The following BAZ2B variants were observed in gnomAD, a reference collection of about 807,000 sequenced individuals.
BAZ2B encodes bromodomain adjacent to zinc finger domain 2B, also known as bromodomain adjacent to zinc finger domain protein 2B.
Under a neutral mutation model 246.0 loss-of-function variants are expected in BAZ2B, and 91 were observed. The observed-to-expected ratio is 0.37, with a 90% confidence interval of 0.31 to 0.44. The LOEUF (loss-of-function observed/expected upper bound fraction) is 0.44. Among genes scored for constraint, BAZ2B ranks in the 20% least tolerant of loss-of-function variants. The pLI is 1.00. For missense variants in BAZ2B, 2,332 were observed against 2,533.7 expected (o/e 0.92, Z 1.71); for synonymous variants, 855 against 860.0 (o/e 0.99, Z 0.10).
chr2:159,582,444 G>A (rs1357095938), intron 1 of BAZ2B, among the ~76,000 whole-genome samples: 2 of 152,162 alleles, frequency 1.3e-5, no homozygotes, highest in African/African-American at 2.4e-5. Context: ...TGTAGCTCAC[G>A]CTGGAGTGGT....
intron 25 of BAZ2B, among the ~76,000 whole-genome samples, chr2:159,377,812 CAAAA>C (rs35570732): frequency 5.3e-5 from 5 of 94,198 alleles, no homozygotes; most frequent in Non-Finnish European, 6.5e-5. Flanking sequence ...ACTCTGTCTC[CAAAA>C]AAAAAAAAAA....
At chr2:159,561,097 T>C (rs767087676) in intron 1 of BAZ2B, among the ~76,000 whole-genome samples, 1 of 152,204 alleles carries the variant, frequency 6.6e-6, no homozygotes, top group Non-Finnish European at 1.5e-5. Flanking sequence ...TATGGTTTGT[T>C]TGTACCCACC....
intron 6 of BAZ2B, among the ~76,000 whole-genome samples, chr2:159,441,156 T>A (rs1227873983): frequency 1.3e-5 from 2 of 152,210 alleles, no homozygotes; most frequent in Non-Finnish European, 2.9e-5. Context: ...AAATTAACAT[T>A]TTTGTTTTAG....
the BAZ2B span, among the ~76,000 whole-genome samples, chr2:159,686,961 C>G: frequency 2.7e-5 from 4 of 148,108 alleles, no homozygotes; most frequent in Non-Finnish European, 5.9e-5. Flanking sequence ...AGAATGGCGT[C>G]AACCCGGGTG....
chr2:159,473,450 TTCTC>T (rs1057145632), intron 3 of BAZ2B, among the ~76,000 whole-genome samples: 21 of 152,362 alleles, frequency 1.4e-4, no homozygotes, highest in African/African-American at 2.4e-4. Context: ...TATTTGATTC[TTCTC>T]TCTATTTTTT....
At chr2:159,565,338 T>C (rs1383022726) in intron 1 of BAZ2B, among the ~76,000 whole-genome samples, 2 of 152,242 alleles carry the variant, frequency 1.3e-5, no homozygotes, top group African/African-American at 4.8e-5. Flanking sequence ...GAAATGGTAC[T>C]ATACCTAGAG....
intron 8 of BAZ2B, among the ~76,000 whole-genome samples, chr2:159,435,901 A>G (rs974243794): frequency 2.0e-5 from 3 of 152,386 alleles, no homozygotes; most frequent in Middle Eastern, 3.4e-3. Context: ...TTGTTAAGAT[A>G]ATTCTTTGTA....
At chr2:159,337,989 T>C (rs1393193250) in intron 31 of BAZ2B, among the ~76,000 whole-genome samples, 1 of 152,208 alleles carries the variant, frequency 6.6e-6, no homozygotes, top group African/African-American at 2.4e-5. Flanking sequence ...TTATAAACTT[T>C]TGATATTATA....
At chr2:159,694,556 T>C in the BAZ2B span, 2 of 152,228 alleles carry the variant, frequency 1.3e-5, no homozygotes, top group Non-Finnish European at 2.9e-5. Context: ...TTGCCTATTC[T>C]GGACAGTGAT....
chr2:159,658,799 G>A, the BAZ2B span, among the ~76,000 whole-genome samples: 1 of 152,026 alleles, frequency 6.6e-6, no homozygotes, highest in African/African-American at 2.4e-5. Context: ...GATTACAGGC[G>A]TGAACCACTG....
chr2:159,435,068 GA>G (rs1471114015), intron 8 of BAZ2B: 1 of 151,874 alleles, frequency 6.6e-6, no homozygotes, highest in Non-Finnish European at 1.5e-5. Flanking sequence ...TGATTGCCTT[GA>G]AATTAAAATC....
chr2:159,344,023 A>G (rs2067258106), intron 31 of BAZ2B, among the ~76,000 whole-genome samples: 1 of 65,984 alleles, frequency 1.5e-5, no homozygotes, highest in Non-Finnish European at 3.3e-5. Flanking sequence ...ACAAGACTCC[A>G]TCTCAAAAAA....
intron 1 of BAZ2B, among the ~76,000 whole-genome samples, chr2:159,594,633 G>T (rs1690203592): frequency 6.7e-6 from 1 of 148,450 alleles, no homozygotes; most frequent in Non-Finnish European, 1.5e-5. Context: ...TATTTTGACA[G>T]TTTTTTTTTT....
intron 2 of BAZ2B, among the ~76,000 whole-genome samples, chr2:159,523,691 C>G (rs1183621077): frequency 1.3e-5 from 2 of 152,092 alleles, no homozygotes; most frequent in Non-Finnish European, 2.9e-5. Flanking sequence ...GAGTGAGACT[C>G]CGTCTCAAAA....
At chr2:159,515,097 T>C (rs1201130658) in intron 2 of BAZ2B, among the ~76,000 whole-genome samples, 1 of 152,008 alleles carries the variant, frequency 6.6e-6, no homozygotes, top group African/African-American at 2.4e-5. Flanking sequence ...CATTCTTCAG[T>C]AACTACTTTT....
At position 159,596,387 on chromosome 2, in the gene BAZ2B, C is replaced by G. The variant is rs80301669; in HGVS notation, c.-46+19855G>C. 4.6e-3 allele frequency among the ~76,000 whole-genome samples: 696 copies of G among 152,258 alleles called. 4 individuals carry two copies. Among genetic ancestry groups the G allele is most frequent in the African/African-American group, 0.015 (643 of 41,526 alleles). The stretch of plus-strand genomic sequence containing the variant: ...GTGACACCACAGATCCTGTTAGAAG[C>G]ACGGCCCTAAAGTTTGTTCAAGAAT... On this transcript the variant is annotated intron_variant, in intron 1 of 36. Coordinates refer to ENST00000392783, the MANE Select transcript of BAZ2B (RefSeq NM_013450.4).
intron 3 of BAZ2B, among the ~76,000 whole-genome samples, chr2:159,454,520 G>A (rs774235310): frequency 1.4e-4 from 21 of 152,098 alleles, no homozygotes; most frequent in Admixed American, 3.9e-4. Context: ...TAACACAGTG[G>A]TAAATATTTG....
At chr2:159,696,253 C>T in the BAZ2B span, among the ~76,000 whole-genome samples, 1 of 152,006 alleles carries the variant, frequency 6.6e-6, no homozygotes, top group East Asian at 1.9e-4. Flanking sequence ...TACAAGATTC[C>T]CAGTTCAAAA....
At chr2:159,332,290 C>T (rs1162782498) in intron 34 of BAZ2B, among the ~76,000 whole-genome samples, 1 of 148,886 alleles carries the variant, frequency 6.7e-6, no homozygotes, top group Non-Finnish European at 1.5e-5. Flanking sequence ...GGGATGAGAC[C>T]ACTGCAGGCA....
Sources: allele counts gnomAD v4.1 joint callset (sites outside exome capture counted in the v4.1 genomes callset), GRCh38; gene constraint gnomAD v4.1.1; transcripts MANE v1.5; gene names NCBI Gene and HGNC (gene_info 2026-07-23, HGNC 2026-07-21).